The following KCND2 variants were observed in gnomAD, a reference collection of about 807,000 sequenced individuals.
KCND2 encodes the protein A-type voltage-gated potassium channel KCND2.
KCND2 carries 16 observed loss-of-function variants against 54.4 expected under a neutral mutation model. The observed-to-expected ratio is 0.29, with a 90% CI of 0.20 to 0.45. KCND2 has a LOEUF of 0.45. Among genes scored for constraint, KCND2 ranks in the 20% least tolerant of loss-of-function variants. The pLI, the probability that KCND2 is intolerant of heterozygous loss-of-function variation, is 1.00. For missense variants in KCND2, 486 were observed against 824.2 expected (o/e 0.59, Z 5.02); for synonymous variants, 317 against 310.7 (o/e 1.02, Z -0.21).
chr7:120,709,551 T>C (rs2116060940), intron 1 of KCND2, among the ~76,000 whole-genome samples: 1 of 152,170 alleles, frequency 6.6e-6, no homozygotes, highest in East Asian at 1.9e-4. Flanking sequence ...AGGCTGAGGG[T>C]TGTTTTATCT....
intron 1 of KCND2, among the ~76,000 whole-genome samples, chr7:120,463,231 G>A (rs1364054337): frequency 1.3e-5 from 2 of 151,592 alleles, no homozygotes; most frequent in Non-Finnish European, 2.9e-5. Context: ...CAAGAAGTAT[G>A]TCCTTTTTTT....
intron 1 of KCND2, among the ~76,000 whole-genome samples, chr7:120,304,492 T>C (rs1022244639): frequency 6.6e-6 from 1 of 152,164 alleles, no homozygotes; most frequent in African/African-American, 2.4e-5. Flanking sequence ...ATCAATCACC[T>C]GGGAACTTGT....
intron 1 of KCND2, among the ~76,000 whole-genome samples, chr7:120,574,306 A>G (rs985746157): frequency 6.6e-6 from 1 of 152,200 alleles, no homozygotes; most frequent in Non-Finnish European, 1.5e-5. Context: ...GTCTTTGACC[A>G]TGCAATGAAC....
chr7:120,672,841 G>A (rs970434241), intron 1 of KCND2: 5 of 152,096 alleles, frequency 3.3e-5, no homozygotes, highest in African/African-American at 1.2e-4. Flanking sequence ...CATTTGACTG[G>A]TGTCCTTATA....
At chr7:120,744,037 G>A (rs1394827122) in intron 4 of KCND2, among the ~76,000 whole-genome samples, 3 of 152,078 alleles carry the variant, frequency 2.0e-5, no homozygotes, top group Non-Finnish European at 4.4e-5. Context: ...AGGTGGGCGG[G>A]TCAACTGAGG....
intron 1 of KCND2, among the ~76,000 whole-genome samples, chr7:120,640,781 T>A (rs1215122237): frequency 6.6e-6 from 1 of 152,206 alleles, no homozygotes; most frequent in Non-Finnish European, 1.5e-5. Context: ...AGTGACACTT[T>A]GAAGTTTTAT....
chr7:120,459,092 A>G (rs965449618), intron 1 of KCND2, among the ~76,000 whole-genome samples: 1 of 151,998 alleles, frequency 6.6e-6, no homozygotes, highest in Non-Finnish European at 1.5e-5. Flanking sequence ...GAACCTTCCA[A>G]TGGCCTGCAA....
At chr7:120,507,409 A>T (rs1803041648) in intron 1 of KCND2, among the ~76,000 whole-genome samples, 1 of 151,898 alleles carries the variant, frequency 6.6e-6, no homozygotes, top group African/African-American at 2.4e-5. Context: ...AGCTGGACTT[A>T]TGGCTACATG....
intron 1 of KCND2, among the ~76,000 whole-genome samples, chr7:120,404,592 A>G (rs1801321168): frequency 6.6e-6 from 1 of 152,174 alleles, no homozygotes; most frequent in South Asian, 2.1e-4. Context: ...GTTAGTCCTG[A>G]TACCCGTGGA....
intron 1 of KCND2, among the ~76,000 whole-genome samples, chr7:120,523,700 CACTCTG>C (rs886477501): frequency 8.7e-6 from 1 of 114,320 alleles, no homozygotes; most frequent in African/African-American, 4.5e-5. Flanking sequence ...CACACACACA[CACTCTG>C]TGTGTGTGTG....
At chr7:120,665,163 A>C (rs949132562) in intron 1 of KCND2, among the ~76,000 whole-genome samples, 3 of 152,072 alleles carry the variant, frequency 2.0e-5, no homozygotes, top group Non-Finnish European at 4.4e-5. Context: ...AAACAAGTAG[A>C]TATTTAAGGG....
chr7:120,280,081 C>T (rs1323854694), intron 1 of KCND2, among the ~76,000 whole-genome samples: 2 of 151,912 alleles, frequency 1.3e-5, no homozygotes, highest in African/African-American at 4.8e-5. Context: ...GTAGGAAGTA[C>T]CAAAATTTAT....
At chr7:120,288,914 G>A (rs1799388453) in intron 1 of KCND2, among the ~76,000 whole-genome samples, 2 of 152,090 alleles carry the variant, frequency 1.3e-5, no homozygotes, top group South Asian at 4.1e-4. Flanking sequence ...GTTAGATGAT[G>A]CGGGTTTATC....
At chr7:120,383,066 T>C (rs1230656152) in intron 1 of KCND2, among the ~76,000 whole-genome samples, 4 of 151,970 alleles carry the variant, frequency 2.6e-5, no homozygotes, top group Non-Finnish European at 4.4e-5. Flanking sequence ...TTAAGGCAAA[T>C]TTCTCATGAA....
intron 1 of KCND2, among the ~76,000 whole-genome samples, chr7:120,434,901 C>T (rs944748622): frequency 2.2e-4 from 34 of 151,534 alleles, no homozygotes; most frequent in African/African-American, 8.3e-4. Flanking sequence ...GATCATTGTC[C>T]ATTAGTAGAT....
chr7:120,584,879 A>G (rs1413329818), intron 1 of KCND2, among the ~76,000 whole-genome samples: 1 of 152,270 alleles, frequency 6.6e-6, no homozygotes, highest in Non-Finnish European at 1.5e-5. Context: ...ATTAATTATC[A>G]TGATTGACAT....
intron 1 of KCND2, among the ~76,000 whole-genome samples, chr7:120,435,085 A>G (rs1801846936): frequency 7.1e-6 from 1 of 141,504 alleles, no homozygotes; most frequent in Non-Finnish European, 1.6e-5. Flanking sequence ...AATAACAAAC[A>G]ATAAATTTTA....
At chr7:120,606,212 A>G (rs1219863611) in intron 1 of KCND2, among the ~76,000 whole-genome samples, 2 of 152,152 alleles carry the variant, frequency 1.3e-5, no homozygotes, top group Non-Finnish European at 2.9e-5. Context: ...TGACTAATAG[A>G]TTTATAAATT....
intron 1 of KCND2, among the ~76,000 whole-genome samples, chr7:120,402,070 TAACA>T (rs1393216282): frequency 1.3e-5 from 2 of 152,190 alleles, no homozygotes; most frequent in African/African-American, 4.8e-5. Flanking sequence ...TGAATTGCTT[TAACA>T]AACGGAAAAT....
Sources: allele counts gnomAD v4.1 joint callset (sites outside exome capture counted in the v4.1 genomes callset), GRCh38; gene constraint gnomAD v4.1.1; transcripts MANE v1.5; gene names NCBI Gene and HGNC (gene_info 2026-07-23, HGNC 2026-07-21).